IRAK2: variants seen among roughly 807,000 people sequenced by gnomAD.
IRAK2 encodes the protein interleukin 1 receptor associated kinase 2.
A neutral mutation model predicts 72.0 loss-of-function variants in IRAK2; 57 were observed. The observed-to-expected ratio is 0.79, with a 90% CI of 0.64 to 0.99. The LOEUF is 0.99. Ranked by LOEUF, IRAK2 falls within the 50% of genes least tolerant of loss-of-function variation. The pLI is 0.00. For missense variants in IRAK2, 790 were observed against 794.4 expected (o/e 0.99, Z 0.07); for synonymous variants, 293 against 312.7 (o/e 0.94, Z 0.67).
At chr3:10,199,442 C>T (rs1697320047) in intron 2 of IRAK2, among the ~76,000 whole-genome samples, 1 of 152,174 alleles carries the variant, frequency 6.6e-6, no homozygotes. Flanking sequence ...TGTGAGGATT[C>T]ATGTCTGTGC....
intron 2 of IRAK2, among the ~76,000 whole-genome samples, chr3:10,193,271 C>G (rs991620170): frequency 1.3e-5 from 2 of 152,160 alleles, no homozygotes; most frequent in Admixed American, 6.6e-5. Context: ...GCCCTCATCA[C>G]TGTGGGTTCT....
At chr3:10,207,114 G>A (rs947397216) in intron 3 of IRAK2, among the ~76,000 whole-genome samples, 1 of 146,086 alleles carries the variant, frequency 6.8e-6, no homozygotes, top group Non-Finnish European at 1.5e-5. Context: ...GTTTTGAAGT[G>A]GAGTCTCACT....
intron 11 of IRAK2, among the ~76,000 whole-genome samples, chr3:10,235,128 C>G (rs763091808): frequency 2.0e-5 from 3 of 152,136 alleles, no homozygotes; most frequent in Non-Finnish European, 4.4e-5. Flanking sequence ...CCGGGCTGCC[C>G]AGGGCTCCAT....
chr3:10,238,787 G>C lies in IRAK2; in HGVS notation c.1513G>C (p.Gly505Arg), dbSNP rs751618784. ...GGCTGCTGTGGAAGAGCGGCTCCGA[G>C]GTCGGGAGACGTTGCTCCCTTGGAG... ...SVAAVEERLR[G>R]RETLLPWSGL... The change falls in exon 12 of 13, where the codon GGT becomes CGT. Residue 505 changes from glycine (G) to arginine (R), a missense_variant. By Grantham distance (125) the Gly-to-Arg change is moderately radical (BLOSUM62 -2). Transcript: ENST00000256458. 3 of 1,614,178 alleles carry C rather than the reference G, an allele frequency of 1.9e-6. No homozygotes were observed. Among genetic ancestry groups the C allele is most frequent in the Non-Finnish European group, 2.5e-6 (3 of 1,180,020 alleles).
Position 10,222,692 on chromosome 3 carries a change from A to T in IRAK2, c.1070A>T (p.His357Leu). The change falls in exon 9 of 13, where the codon CAT becomes CTT. Residue 357 changes from histidine to leucine, a missense_variant. His to Leu is a moderately conservative substitution (Grantham distance 99). Transcript: ENST00000256458. Reference sequence around the variant, plus strand: ...CCCAAACTTGCTCACCCAATGGCTCATCTGTGTCCTGTCAACAAAAGGTCA... The same window carrying T: ...CCCAAACTTGCTCACCCAATGGCTCTTCTGTGTCCTGTCAACAAAAGGTCA... ...LTPKLAHPMA[H>L]LCPVNKRSKY... 1 of 1,614,180 alleles carries T rather than the reference A, an allele frequency of 6.2e-7. No homozygotes were observed. The highest frequency in any genetic ancestry group is 8.5e-7 in the Non-Finnish European group (1 of 1,180,020).
chr3:10,196,525 T>G (rs1385658336), intron 2 of IRAK2, among the ~76,000 whole-genome samples: 1 of 152,256 alleles, frequency 6.6e-6, no homozygotes, highest in Non-Finnish European at 1.5e-5. Flanking sequence ...AGAAACTGGC[T>G]TCTAGACTCC....
chr3:10,192,092 G>C (rs1383482829), intron 2 of IRAK2, among the ~76,000 whole-genome samples: 1 of 151,742 alleles, frequency 6.6e-6, no homozygotes, highest in East Asian at 1.9e-4. Context: ...GTATGGCCTG[G>C]AGGGCCAAAC....
At chr3:10,194,255 G>A (rs1410367580) in intron 2 of IRAK2, among the ~76,000 whole-genome samples, 2 of 152,208 alleles carry the variant, frequency 1.3e-5, no homozygotes, top group Non-Finnish European at 2.9e-5. Flanking sequence ...CAGAGCCGAC[G>A]CTTCCCCACG....
intron 1 of IRAK2, among the ~76,000 whole-genome samples, chr3:10,168,687 G>A (rs1696743770): frequency 6.6e-6 from 1 of 152,170 alleles, no homozygotes. Context: ...GGATGGATAT[G>A]ATCTGAACAC....
At position 10,242,508 on chromosome 3, in the gene IRAK2, C is replaced by G. The variant is rs993102567; in HGVS notation, c.*280C>G. 1.4e-5 allele frequency: 3 copies of G among 209,762 alleles called. No homozygotes were observed. The highest frequency in any genetic ancestry group is 6.9e-5 in the African/African-American group (3 of 43,528). 13.0% of individuals were successfully genotyped at this position (209,762 alleles called of 1,614,324 possible). On this transcript the variant is annotated 3_prime_UTR_variant, in exon 13 of 13. Transcript: ENST00000256458. ...GAAGCAGAAACCCTGCACACGGGCC[C>G]AGGATGTGGCTGATTTTGTGGTTCC...
chr3:10,196,373 C>T (rs1697265373), intron 2 of IRAK2, among the ~76,000 whole-genome samples: 1 of 152,232 alleles, frequency 6.6e-6, no homozygotes, highest in Non-Finnish European at 1.5e-5. Context: ...CCTTGGCCTC[C>T]CAAAGTGCTG....
At chr3:10,231,786 A>G (rs1697865138) in intron 10 of IRAK2, among the ~76,000 whole-genome samples, 1 of 152,102 alleles carries the variant, frequency 6.6e-6, no homozygotes, top group Admixed American at 6.5e-5. Context: ...AAGTGCTGAC[A>G]TTACAGGTGT....
intron 2 of IRAK2, among the ~76,000 whole-genome samples, chr3:10,186,249 G>T (rs1697073898): frequency 6.6e-6 from 1 of 151,740 alleles, no homozygotes; most frequent in African/African-American, 2.4e-5. Context: ...GTGTGGGTTT[G>T]GGGACTTGAG....
At chr3:10,169,457 C>T (rs1216749790) in intron 1 of IRAK2, among the ~76,000 whole-genome samples, 1 of 152,040 alleles carries the variant, frequency 6.6e-6, no homozygotes, top group East Asian at 1.9e-4. Context: ...TGCGTTCCTT[C>T]CCCAGGGTTA....
intron 11 of IRAK2, among the ~76,000 whole-genome samples, chr3:10,234,945 C>A (rs1419987209): frequency 6.6e-6 from 1 of 152,228 alleles, no homozygotes; most frequent in Non-Finnish European, 1.5e-5. Context: ...TCTATAGGCC[C>A]CTTCCCCTTT....
At chr3:10,165,187 A>G in intron 1 of IRAK2, 139 bp downstream of exon 1, 1 of 690,542 alleles carries the variant, frequency 1.4e-6, no homozygotes, top group Non-Finnish European at 2.4e-6. Flanking sequence ...AGCCTCCTGG[A>G]CCGGGTCCGC....
At chr3:10,222,182 C>T (rs1285808397) in intron 8 of IRAK2, among the ~76,000 whole-genome samples, 1 of 152,170 alleles carries the variant, frequency 6.6e-6, no homozygotes, top group Non-Finnish European at 1.5e-5. Flanking sequence ...GCCACTGTGC[C>T]CGGCCAAGAG....
At chr3:10,177,731 G>T (rs1170262826) in intron 1 of IRAK2, 107 bp from the exon 2 acceptor site, 2 of 1,080,528 alleles carry the variant, frequency 1.9e-6, no homozygotes, top group Non-Finnish European at 2.8e-6. Flanking sequence ...TGGAGGCGGT[G>T]GTTGGGGAGG....
At chr3:10,197,668 C>T (rs1293655984) in intron 2 of IRAK2, among the ~76,000 whole-genome samples, 3 of 149,900 alleles carry the variant, frequency 2.0e-5, no homozygotes, top group Admixed American at 6.7e-5. Context: ...CTGGCTAACA[C>T]GCTGAAACCC....
Sources: allele counts gnomAD v4.1 joint callset (sites outside exome capture counted in the v4.1 genomes callset), GRCh38; gene constraint gnomAD v4.1.1; transcripts MANE v1.5; gene names NCBI Gene and HGNC (gene_info 2026-07-23, HGNC 2026-07-21).